C16orf95: variants seen among roughly 807,000 people sequenced by gnomAD.
C16orf95 encodes the protein uncharacterized protein C16orf95.
A neutral mutation model predicts 32.1 loss-of-function variants in C16orf95; 41 were observed. That is an observed-to-expected ratio of 1.28 (90% CI 1.00 to 1.66). The LOEUF is 1.66. Among genes scored for constraint, C16orf95 ranks in the 40% most tolerant of loss-of-function variants. C16orf95 has a pLI of 0.00. For synonymous variants in C16orf95, 147 were observed against 128.9 expected, an observed-to-expected ratio of 1.14 and a Z score of -0.95; for missense variants, 399 against 325.9, an observed-to-expected ratio of 1.22 and a Z score of -1.73.
intron 6 of C16orf95, chr16:87,303,331 A>G: frequency 2.0e-6 from 1 of 505,512 alleles, no homozygotes; most frequent in Non-Finnish European, 3.6e-6. Context: ...AGGGATGATA[A>G]TGCTGGCTTT....
At chr16:87,307,734 G>A (rs1407635748) in intron 5 of C16orf95, among the ~76,000 whole-genome samples, 1 of 152,016 alleles carries the variant, frequency 6.6e-6, no homozygotes, top group African/African-American at 2.4e-5. Flanking sequence ...CTCCAGCCTG[G>A]GTGACAGAGT....
Position 87,311,354 on chromosome 16 carries a change from A to G in C16orf95, c.331-58T>C, listed in dbSNP as rs1911278584. On this transcript the variant is annotated intron_variant, in intron 3 of 6. Transcript: ENST00000567970. The stretch of plus-strand genomic sequence containing the variant: ...AGGGGATGGAGCCATGCCTGTCCCC[A>G]ATGACTCCCTGATGGAGCCATCCCC... 5 of 1,443,944 alleles carry G rather than the reference A, an allele frequency of 3.5e-6. No individual in the cohort carries two copies. In the Admixed American group the frequency reaches 8.5e-5, roughly 24 times the overall value. 89.4% of individuals were successfully genotyped at this position (1,443,944 alleles called of 1,614,324 possible).
chr16:87,313,120 C>T (rs1429832549), intron 3 of C16orf95, among the ~76,000 whole-genome samples: 4 of 151,534 alleles, frequency 2.6e-5, no homozygotes, highest in Admixed American at 1.3e-4. Flanking sequence ...AAAGCCCACA[C>T]AGTCCCAATC....
chr16:87,315,890 G>T, intron 1 of C16orf95, 67 bp from the exon 2 acceptor site: 2 of 1,155,082 alleles, frequency 1.7e-6, no homozygotes, highest in Non-Finnish European at 2.4e-6. Context: ...TAGAGCACAG[G>T]CCTGGACCTG....
chr16:87,314,985 T>A lies in C16orf95; in HGVS notation c.316A>T (p.Arg106Ter). Residue 106 changes from arginine (R) to a stop codon, truncating the protein, a stop_gained, in exon 3 of 7, where the codon AGA becomes TGA. Coordinates refer to ENST00000567970, the MANE Select transcript of C16orf95 (RefSeq NM_001195124.3). LOFTEE classifies it high-confidence loss of function. ...AAGTCACCTACCTGCTTTCGGGGTC[T>A]CAGGGACAGAGGGACCCAGTAAGGC... ...ALPYWVPLSL[R>*]PRKQSQKTVQ... 2.6e-6 allele frequency: 4 copies of A among 1,536,130 alleles called. No homozygotes were observed. Among genetic ancestry groups the A allele is most frequent in the Non-Finnish European group, 3.5e-6 (4 of 1,146,902 alleles).
intron 6 of C16orf95, among the ~76,000 whole-genome samples, chr16:87,303,887 C>T (rs982393942): frequency 2.0e-5 from 3 of 152,188 alleles, no homozygotes; most frequent in Admixed American, 6.5e-5. Context: ...GCCCAGGCAT[C>T]TTTCTCTTTT....
intron 3 of C16orf95, among the ~76,000 whole-genome samples, chr16:87,311,821 G>C (rs1425606759): frequency 6.6e-6 from 1 of 152,218 alleles, no homozygotes; most frequent in Non-Finnish European, 1.5e-5. Flanking sequence ...AGAAATATTT[G>C]TTGCACCATT....
chr16:87,314,968 T>C lies in C16orf95; in HGVS notation c.330+3A>G, dbSNP rs1180692203. 2.0e-6 allele frequency: 3 copies of C among 1,535,872 alleles called. No homozygotes were observed. The East Asian group carries it at 7.3e-5, about 38-fold the overall frequency. On this transcript the variant is annotated splice_donor_region_variant and intron_variant, in intron 3 of 6. Transcript: ENST00000567970. Reference sequence around the variant, plus strand: ...GGAAGACCTCCTGGTTCAAGTCACCTACCTGCTTTCGGGGTCTCAGGGACA... The same window carrying C: ...GGAAGACCTCCTGGTTCAAGTCACCCACCTGCTTTCGGGGTCTCAGGGACA...
intron 5 of C16orf95, among the ~76,000 whole-genome samples, chr16:87,308,198 GT>G (rs763436159): frequency 1.3e-5 from 2 of 152,008 alleles, no homozygotes; most frequent in Non-Finnish European, 2.9e-5. Flanking sequence ...ATAAGCAGGT[GT>G]TGGCCGGGCA....
chr16:87,303,166 G>A (rs1156623503), intron 6 of C16orf95, 91 bp from the exon 7 acceptor site: 11 of 1,262,708 alleles, frequency 8.7e-6, no homozygotes, highest in South Asian at 2.5e-5. Flanking sequence ...CTCCATGAGC[G>A]GAAGGCAGAG....
chr16:87,307,527 G>C (rs972008260), intron 5 of C16orf95, among the ~76,000 whole-genome samples: 1 of 152,236 alleles, frequency 6.6e-6, no homozygotes, highest in African/African-American at 2.4e-5. Context: ...GGGAAGCTAA[G>C]GCAGGTGGAT....
chr16:87,305,883 G>A lies in C16orf95; in HGVS notation c.537C>T (p.Cys179=), dbSNP rs1340672411. 5 of 1,438,180 alleles carry A rather than the reference G, an allele frequency of 3.5e-6. No individual in the cohort carries two copies. Among genetic ancestry groups the A allele is most frequent in the Non-Finnish European group, 4.5e-6 (5 of 1,099,254 alleles). The allele number at this position is 1,438,180 out of a possible 1,614,324, so 89.1% of individuals were successfully genotyped here. The part of the protein sequence containing the change: ...GIQAPLLDAC[C]WHNCWRICGD... ...CGCAGATCCGCCAGCAGTTGTGCCA[G>A]CAGCATGCATCCAGCAGGGGTGCTA... Residue 179 remains cysteine (C), a synonymous_variant, in exon 6 of 7, where the codon TGC becomes TGT. Coordinates refer to ENST00000567970, the MANE Select transcript of C16orf95 (RefSeq NM_001195124.3). The surrounding 1 kb of genome is among the most constrained non-coding windows in gnomAD (Gnocchi z 4.2).
At chr16:87,310,816 G>A (rs1046770426) in intron 4 of C16orf95, among the ~76,000 whole-genome samples, 1 of 152,170 alleles carries the variant, frequency 6.6e-6, no homozygotes, top group African/African-American at 2.4e-5. Flanking sequence ...AGGTGAGAGA[G>A]GTCAGGGAGA....
rs74429552 is a variant in C16orf95, at chr16:87,305,032, A to T, written c.701+687T>A. Among the ~76,000 whole-genome samples, 1 of 152,134 alleles carries T rather than the reference A, an allele frequency of 6.6e-6. No homozygotes were observed. Among genetic ancestry groups the T allele is most frequent in the Non-Finnish European group, 1.5e-5 (1 of 68,018 alleles). On this transcript the variant is annotated intron_variant, in intron 6 of 6. Coordinates refer to ENST00000567970, the MANE Select transcript of C16orf95 (RefSeq NM_001195124.3). This position sits in a 1 kb window ranked among gnomAD's most constrained non-coding sequence, Gnocchi z 4.2. ...AGGCAGGAAGGAGCTGCACTGGGCA[A>T]TGAGGAGGAGGAGGAGAGGAGAGAG...
rs968826380 is a variant in C16orf95 at position 87,302,861 on chromosome 16, C to G, written c.*196G>C. 2.7e-4 allele frequency: 167 copies of G among 616,662 alleles called. No individual in the cohort carries two copies. In the East Asian group the frequency reaches 4.7e-3, roughly 17 times the overall value. 38.2% of individuals were successfully genotyped at this position (616,662 alleles called of 1,614,324 possible). A position where few individuals can be genotyped will look rare whatever the true frequency, so the allele number is the denominator to read the frequency against. On this transcript the variant is annotated 3_prime_UTR_variant, in exon 7 of 7. Transcript: ENST00000567970. ...TTATTGACCACATTCATAACAGAAA[C>G]TCACCCACATTCACATGAACTTTGC...
At chr16:87,309,727 G>A (rs901964886) in intron 5 of C16orf95, among the ~76,000 whole-genome samples, 2 of 151,924 alleles carry the variant, frequency 1.3e-5, no homozygotes, top group Non-Finnish European at 2.9e-5. Context: ...CCCCTCACAT[G>A]AATACATATT....
chr16:87,311,804 T>C (rs760783371), intron 3 of C16orf95, among the ~76,000 whole-genome samples: 1 of 152,230 alleles, frequency 6.6e-6, no homozygotes, highest in African/African-American at 2.4e-5. Flanking sequence ...CAAAGTGTCC[T>C]ATGCACAGAA....
In C16orf95 at chr16:87,317,302, C is replaced by T. The variant is rs112505167; in HGVS notation, c.-60G>A. On this transcript the variant is annotated 5_prime_UTR_variant, in exon 1 of 7. Transcript: ENST00000567970. ...CACATCGTCCGCAGGCCCTGACGCC[C>T]TGGCTCCCGCCTTTCCCTCCTGCCC... The T allele has an allele frequency of 0.017, 25,292 of 1,454,414 alleles. 271 individuals carry two copies. Among genetic ancestry groups the T allele is most frequent in the Non-Finnish European group, 0.02 (21,590 of 1,102,090 alleles). The allele number at this position is 1,454,414 out of a possible 1,614,324, so 90.1% of individuals were successfully genotyped here.
At chr16:87,307,832 G>A (rs1164189350) in intron 5 of C16orf95, among the ~76,000 whole-genome samples, 2 of 152,182 alleles carry the variant, frequency 1.3e-5, no homozygotes, top group African/African-American at 4.8e-5. Flanking sequence ...ACAAGGTCAA[G>A]ACACTTTTGT....
Sources: gnomAD v4.1 joint callset for allele counts (sites outside exome capture counted in the v4.1 genomes callset) on GRCh38, gnomAD v4.1.1 for gene constraint, Gnocchi (gnomAD v3.1) non-coding constraint, MANE v1.5 for transcripts, NCBI Gene and HGNC (gene_info 2026-07-23, HGNC 2026-07-21) for gene names.